RHBDF1: variants seen among roughly 807,000 people sequenced by gnomAD.
RHBDF1 encodes the protein rhomboid 5 homolog 1.
Under a neutral mutation model 98.6 loss-of-function variants are expected in RHBDF1, and 80 were observed. That is an observed-to-expected ratio of 0.81 (90% CI 0.68 to 0.98). The LOEUF is 0.98. Among genes scored for constraint, RHBDF1 ranks in the 50% least tolerant of loss-of-function variants. The pLI, the probability that RHBDF1 is intolerant of heterozygous loss-of-function variation, is 0.00. For missense variants in RHBDF1, 1,116 were observed against 1,198.3 expected (o/e 0.93, Z 1.01); for synonymous variants, 512 against 486.8 (o/e 1.05, Z -0.68).
intron 7 of RHBDF1, chr16:62,280 G>C (rs1239559469): frequency 5.6e-6 from 4 of 718,590 alleles, no homozygotes; most frequent in Non-Finnish European, 8.9e-6. Flanking sequence ...TATCACCTCT[G>C]TCACCTCCGC....
intron 3 of RHBDF1, chr16:64,049 C>A: frequency 1.5e-6 from 1 of 664,786 alleles, no homozygotes; most frequent in Non-Finnish European, 2.7e-6. Context: ...GAGGCCCTCA[C>A]CCCACCATCC....
At chr16:64,062 G>T in intron 3 of RHBDF1, 1 of 651,926 alleles carries the variant, frequency 1.5e-6, no homozygotes, top group Non-Finnish European at 2.8e-6. Flanking sequence ...CACCATCCCT[G>T]AGGGGCAGTT....
In RHBDF1 at chr16:62,664, T is replaced by C; in HGVS notation, c.827A>G (p.Tyr276Cys). The change falls in exon 7 of 18, where the codon TAC becomes TGC. Residue 276 changes from tyrosine (Y) to cysteine (C), a missense_variant. Physicochemically the swap from Tyr to Cys is radical, Grantham distance 194 (BLOSUM62 -2). Coordinates refer to ENST00000262316, the MANE Select transcript of RHBDF1 (RefSeq NM_022450.5). ...TGGGGACTCGAAAACTTCATCCGGG[T>C]ATGTGGACAGCTCTTCATGGAGGAT... ...EGILHEELST[Y>C]PDEVFESPSE... The C allele has an allele frequency of 6.2e-7, 1 of 1,613,944 alleles. No homozygotes were observed. Among genetic ancestry groups the C allele is most frequent in the Non-Finnish European group, 8.5e-7 (1 of 1,180,000 alleles).
chr16:71,444 C>T (rs552852363), intron 1 of RHBDF1, among the ~76,000 whole-genome samples: 1 of 152,274 alleles, frequency 6.6e-6, no homozygotes, highest in Non-Finnish European at 1.5e-5. Context: ...CCCTTGGGGT[C>T]GGGGCTAGGA....
At chr16:74,047 G>T, upstream of RHBDF1, 1 of 609,500 alleles carries the variant, frequency 1.6e-6, no homozygotes, top group Non-Finnish European at 2.1e-6. Flanking sequence ...TCATGTAGAA[G>T]GAGACAATGG....
rs1428498264 is a variant in RHBDF1, at chr16:60,262, G to T, written c.1676C>A (p.Ser559Tyr). 3 of 1,613,962 alleles carry T rather than the reference G, an allele frequency of 1.9e-6. No individual in the cohort carries two copies. The highest frequency in any genetic ancestry group is 1.7e-6 in the Non-Finnish European group (2 of 1,180,022). ...HQDPRVCDEPSSEDPHEWPED... is the reference protein window; with the variant it reads ...HQDPRVCDEPYSEDPHEWPED... ...TGGCCACTCATGAGGGTCTTCGGAG[G>T]AGGGCTCATCACACACCCTGCATGA... The change falls in exon 13 of 18, where the codon TCC (serine) becomes TAC (tyrosine). Residue 559 changes from serine to tyrosine, a missense_variant. Transcript: ENST00000262316.
upstream of RHBDF1, among the ~76,000 whole-genome samples, chr16:75,730 T>C (rs1309757745): frequency 6.6e-6 from 1 of 152,134 alleles, no homozygotes; most frequent in African/African-American, 2.4e-5. Context: ...AAGGAAGCTT[T>C]GGCCCTCCAG....
chr16:61,192 GCGCT>G lies in RHBDF1; in HGVS notation c.1481_1484del (p.Glu494AlafsTer32). The stretch of plus-strand genomic sequence containing the variant: ...GCACGCAGCAGGCGGAGTGCTTCTC[GCGCT>G]CGCGCGCCGAGCGAATGAAGCTGTG... On this transcript the variant is annotated frameshift_variant, in exon 11 of 18. Transcript: ENST00000262316. LOFTEE classifies it high-confidence loss of function. The G allele has an allele frequency of 6.5e-7, 1 of 1,542,890 alleles. No homozygotes were observed.
At chr16:64,020 C>A in intron 3 of RHBDF1, 1 of 707,632 alleles carries the variant, frequency 1.4e-6, no homozygotes. Flanking sequence ...GCTGGCCTTG[C>A]CCGGTTGAGT....
intron 1 of RHBDF1, among the ~76,000 whole-genome samples, chr16:66,157 G>T (rs1897825089): frequency 6.6e-6 from 1 of 152,180 alleles, no homozygotes; most frequent in Non-Finnish European, 1.5e-5. Flanking sequence ...ATAGTGGGGG[G>T]CTGGCCAGAG....
Position 64,795 on chromosome 16 carries a change from C to A in RHBDF1, c.152G>T (p.Ser51Ile). 1 of 1,614,088 alleles carries A rather than the reference C, an allele frequency of 6.2e-7. No homozygotes were observed. The highest frequency in any genetic ancestry group is 8.5e-7 in the Non-Finnish European group (1 of 1,180,002). The part of the protein sequence containing the change: ...LRRQAFLRSV[S>I]MPAETAHISS... Reference sequence around the variant, plus strand: ...GATGTGGGCTGTCTCGGCTGGCATACTCACACTCCTCAGGAAAGCCTGTCG... The same window carrying A: ...GATGTGGGCTGTCTCGGCTGGCATAATCACACTCCTCAGGAAAGCCTGTCG... The change falls in exon 3 of 18, where the codon AGT becomes ATT. Residue 51 changes from serine to isoleucine, a missense_variant. Transcript: ENST00000262316.
At chr16:60,085 C>A in intron 13 of RHBDF1, 131 bp downstream of exon 13, 1 of 1,534,950 alleles carries the variant, frequency 6.5e-7, no homozygotes, top group South Asian at 1.3e-5. Context: ...GTACAAAGGG[C>A]AGGTGCACAG....
intron 1 of RHBDF1, among the ~76,000 whole-genome samples, chr16:72,094 G>A (rs1262432508): frequency 2.6e-5 from 4 of 152,120 alleles, no homozygotes; most frequent in Non-Finnish European, 5.9e-5. Flanking sequence ...CCCGCCGGTC[G>A]TGGCCGGGAA....
In RHBDF1 at chr16:62,620, C is replaced by A; in HGVS notation, c.871G>T (p.Asp291Tyr). 1 of 1,613,986 alleles carries A rather than the reference C, an allele frequency of 6.2e-7. No individual in the cohort carries two copies. The highest frequency in any genetic ancestry group is 8.5e-7 in the Non-Finnish European group (1 of 1,180,036). ...GCCTGCTCCGGTGCCTTCTCCCAGT[C>A]CTTTAGCGCTGCCTCCGATGGGGAC... ...FESPSEAALK[D>Y]WEKAPEQADL... is the part of the protein sequence containing the mutation. The change falls in exon 7 of 18, where the codon GAC becomes TAC. Residue 291 changes from aspartate to tyrosine, a missense_variant. Coordinates refer to ENST00000262316, the MANE Select transcript of RHBDF1 (RefSeq NM_022450.5).
In RHBDF1 at chr16:64,703, G is replaced by A. The variant is rs147395123; in HGVS notation, c.244C>T (p.Arg82Cys). The change falls in exon 3 of 18, where the codon CGC (arginine) becomes TGC (cysteine). Residue 82 changes from arginine to cysteine, a missense_variant. Arg to Cys is a radical substitution (Grantham distance 180, BLOSUM62 -3). Transcript: ENST00000262316. ...QRQTSITQTI[R>C]RGTADWFGVS... is the part of the protein sequence containing the mutation. ...GCAGCTGGGCGGTGTTGGTACCTGC[G>A]GATGGTCTGTGTGATGGACGTCTGG... 56 of 1,609,982 alleles carry A rather than the reference G, an allele frequency of 3.5e-5. No individual in the cohort carries two copies. The highest frequency in any genetic ancestry group is 3.5e-4 in the African/African-American group (26 of 74,872).
intron 8 of RHBDF1, 24 bp downstream of exon 8, chr16:61,774 C>A (rs1428377889): frequency 1.2e-6 from 2 of 1,612,288 alleles, no homozygotes; most frequent in Non-Finnish European, 1.7e-6. Context: ...CCATCCCAAC[C>A]CAGGCCTTGC....
intron 1 of RHBDF1, among the ~76,000 whole-genome samples, chr16:67,315 A>G (rs1359208107): frequency 6.6e-6 from 1 of 152,206 alleles, no homozygotes; most frequent in East Asian, 1.9e-4. Flanking sequence ...TGGGGGCCAG[A>G]GAGGAGCAGG....
Position 61,665 on chromosome 16 carries a change from G to A in RHBDF1, c.1240C>T (p.His414Tyr). ...PFFTYWLTFV[H>Y]SLVTILAVCI... Reference sequence around the variant, plus strand: ...ACGGCTAGGATGGTGACGAGCGAGTGCACGAAGGTAAGCCAGTAGGTGAAG... The same window carrying A: ...ACGGCTAGGATGGTGACGAGCGAGTACACGAAGGTAAGCCAGTAGGTGAAG... Residue 414 changes from histidine to tyrosine, a missense_variant, in exon 9 of 18, where the codon CAC (histidine) becomes TAC (tyrosine). By Grantham distance (83) the His-to-Tyr change is moderately conservative. Transcript: ENST00000262316. The A allele has an allele frequency of 6.2e-7, 1 of 1,613,478 alleles. No homozygotes were observed. The highest frequency in any genetic ancestry group is 8.5e-7 in the Non-Finnish European group (1 of 1,179,916).
In RHBDF1 at chr16:61,439, G is replaced by T; in HGVS notation, c.1341C>A (p.Val447=). The change falls in exon 10 of 18, where the codon GTC becomes GTA. Residue 447 remains valine (V), a synonymous_variant. Coordinates refer to ENST00000262316, the MANE Select transcript of RHBDF1 (RefSeq NM_022450.5). ...GCTGCACGTACTTGACGTTCTCGTA[G>T]ACCCCGCGGTTCCGCAGCACCTGGG... The part of the protein sequence containing the change: ...TVDSVLRNRG[V]YENVKYVQQE... 1 of 1,612,564 alleles carries T rather than the reference G, an allele frequency of 6.2e-7. No individual in the cohort carries two copies. Among genetic ancestry groups the T allele is most frequent in the Admixed American group, 1.7e-5 (1 of 59,990 alleles).
Sources: allele counts gnomAD v4.1 joint callset (sites outside exome capture counted in the v4.1 genomes callset), GRCh38; gene constraint gnomAD v4.1.1; transcripts MANE v1.5; gene names NCBI Gene and HGNC (gene_info 2026-07-23, HGNC 2026-07-21).